The following CKAP5 variants were observed in gnomAD, a reference collection of about 807,000 sequenced individuals.
CKAP5 encodes the protein cytoskeleton-associated protein 5.
A neutral mutation model predicts 232.8 loss-of-function variants in CKAP5; 27 were observed. The ratio of observed to expected loss-of-function variants is 0.12; its 90% confidence interval spans 0.09 to 0.16. The LOEUF is 0.16. Among genes scored for constraint, CKAP5 ranks in the 10% least tolerant of loss-of-function variants. The pLI, the probability that CKAP5 is intolerant of heterozygous loss-of-function variation, is 1.00. For missense variants in CKAP5, 1,838 were observed against 2,424.7 expected (o/e 0.76, Z 5.08); for synonymous variants, 785 against 841.1 (o/e 0.93, Z 1.16).
rs184479633 is a variant in CKAP5 at position 46,835,208 on chromosome 11, A to T, written c.-38+11012T>A. Among the ~76,000 whole-genome samples the T allele has an allele frequency of 2.9e-4, 44 of 152,236 alleles. No individual in the cohort carries two copies. The South Asian group carries it at 5.6e-3, about 19-fold the overall frequency. ...AATAAAATAAAATATCAACTAAAAA[A>T]ATAAAAATAAAGTATAAATGAATAA... On this transcript the variant is annotated intron_variant, in intron 1 of 43. Transcript: ENST00000529230.
At chr11:46,844,164 G>A (rs1161198144) in intron 1 of CKAP5, among the ~76,000 whole-genome samples, 1 of 151,590 alleles carries the variant, frequency 6.6e-6, no homozygotes, top group Non-Finnish European at 1.5e-5. Flanking sequence ...AGAGGTTGCA[G>A]TCAGCTGAGA....
At chr11:46,835,011 G>A (rs1052820187) in intron 1 of CKAP5, among the ~76,000 whole-genome samples, 2 of 150,294 alleles carry the variant, frequency 1.3e-5, no homozygotes, top group Non-Finnish European at 3.0e-5. Context: ...TGTCTATGTT[G>A]CTCAGGCTGG....
chr11:46,756,940 T>C (rs1243033660), intron 35 of CKAP5, among the ~76,000 whole-genome samples: 2 of 150,714 alleles, frequency 1.3e-5, no homozygotes, highest in Admixed American at 6.6e-5. Flanking sequence ...TTTTTTTGTA[T>C]TTTTAATAGA....
chr11:46,762,821 C>G, intron 30 of CKAP5, 59 bp from the exon 31 acceptor site: 2 of 1,545,374 alleles, frequency 1.3e-6, no homozygotes, highest in South Asian at 2.3e-5. Flanking sequence ...AATGATTCTC[C>G]CATGCATTAC....
In CKAP5 at chr11:46,789,070, T is replaced by TA. The variant is rs145854082; in HGVS notation, c.1876-298dup. Among the ~76,000 whole-genome samples, 324 of 152,386 alleles carry TA rather than the reference T, an allele frequency of 2.1e-3. 1 individual carries two copies. The highest frequency in any genetic ancestry group is 7.3e-3 in the African/African-American group (302 of 41,598). Reference sequence around the variant, plus strand: ...AAATAGTTTGCTCCATGCAAAATAATAGTTTTCATTTGCCTAGTGTGTGGC... The same window carrying TA: ...AAATAGTTTGCTCCATGCAAAATAATAAGTTTTCATTTGCCTAGTGTGTGGC... On this transcript the variant is annotated intron_variant, in intron 15 of 43. Transcript: ENST00000529230.
At chr11:46,747,245 C>T (rs1377953889) in intron 42 of CKAP5, among the ~76,000 whole-genome samples, 1 of 152,134 alleles carries the variant, frequency 6.6e-6, no homozygotes, top group Non-Finnish European at 1.5e-5. Context: ...ATAAATACTA[C>T]ATTATATAGT....
In CKAP5 at chr11:46,808,169, T is replaced by C. The variant is rs531234834; in HGVS notation, c.865-25A>G. The C allele has an allele frequency of 7.2e-6, 10 of 1,396,702 alleles. No individual in the cohort carries two copies. The African/African-American group carries it at 1.3e-4, about 18-fold the overall frequency. The allele number at this position is 1,396,702 out of a possible 1,614,324, so 86.5% of individuals were successfully genotyped here. ...CCTGCAAGATACAATATGAGTCATT[T>C]GTAACAGGAAATAAGAGAGCGGAAT... is the stretch of plus-strand genomic sequence containing the variant. On this transcript the variant is annotated intron_variant, in intron 7 of 43. Transcript: ENST00000529230.
chr11:46,811,214 G>T, intron 4 of CKAP5, 36 bp from the exon 5 acceptor site: 1 of 1,525,824 alleles, frequency 6.6e-7, no homozygotes, highest in Non-Finnish European at 9.0e-7. Context: ...CTGTCAACGT[G>T]CAATGCAATT....
chr11:46,743,428 G>A lies in CKAP5; in HGVS notation c.*595C>T, dbSNP rs2064999411. ...AGTCTGTGAGCCAAGAAAAAGGGAA[G>A]CTCTGTAAGCAGTAATTAACCTTTC... On this transcript the variant is annotated 3_prime_UTR_variant, in exon 44 of 44. Transcript: ENST00000529230. The A allele has an allele frequency of 6.5e-6, 1 of 153,350 alleles. No individual in the cohort carries two copies. Among genetic ancestry groups the A allele is most frequent in the Non-Finnish European group, 1.5e-5 (1 of 68,700 alleles). 9.5% of individuals were successfully genotyped at this position (153,350 alleles called of 1,614,324 possible).
intron 1 of CKAP5, among the ~76,000 whole-genome samples, chr11:46,822,818 A>G (rs1939570666): frequency 6.6e-6 from 1 of 152,088 alleles, no homozygotes; most frequent in African/African-American, 2.4e-5. Context: ...CAAGCTCCCT[A>G]ATTCTAGCAA....
intron 9 of CKAP5, among the ~76,000 whole-genome samples, chr11:46,799,405 T>C (rs1348578631): frequency 1.3e-5 from 2 of 152,146 alleles, no homozygotes; most frequent in African/African-American, 4.8e-5. Flanking sequence ...CATGGAAAAA[T>C]ACAAGACTTT....
At chr11:46,845,988 C>T (rs1940180470) in intron 1 of CKAP5, among the ~76,000 whole-genome samples, 1 of 151,708 alleles carries the variant, frequency 6.6e-6, no homozygotes, top group African/African-American at 2.4e-5. Context: ...CTCTGGCCAC[C>T]TGGAGCCCAA....
At position 46,790,082 on chromosome 11, in the gene CKAP5, G is replaced by T; in HGVS notation, c.1869C>A (p.Phe623Leu). 1 of 1,602,562 alleles carries T rather than the reference G, an allele frequency of 6.2e-7. No individual in the cohort carries two copies. The highest frequency in any genetic ancestry group is 8.5e-7 in the Non-Finnish European group (1 of 1,171,270). ...ATTCTTCCCTATGCACTACCTTCTGGAACTCTTCCATACAAGCCAGCCTTT... is the reference window on the plus strand; with the variant it reads ...ATTCTTCCCTATGCACTACCTTCTGTAACTCTTCCATACAAGCCAGCCTTT... ...WKERLACMEE[F>L]QKAVELMDRT... The change falls in exon 15 of 44, where the codon TTC (phenylalanine) becomes TTA (leucine). Residue 623 changes from phenylalanine to leucine, a missense_variant. By Grantham distance (22) the Phe-to-Leu change is conservative. Around this residue, in one of 6 missense-constraint regions of CKAP5, gnomAD observed 767 missense variants for 954.6 expected, o/e 0.80. Transcript: ENST00000529230.
At position 46,743,922 on chromosome 11, in the gene CKAP5, A is replaced by C; in HGVS notation, c.*101T>G. ...CCTAGCTCCACGGCATGATACATACAACCAGTTTGTATACACTAGGCCTGC... is the reference window on the plus strand; with the variant it reads ...CCTAGCTCCACGGCATGATACATACCACCAGTTTGTATACACTAGGCCTGC... On this transcript the variant is annotated 3_prime_UTR_variant, in exon 44 of 44. Transcript: ENST00000529230. The C allele has an allele frequency of 2.8e-6, 4 of 1,449,288 alleles. No homozygotes were observed. Among genetic ancestry groups the C allele is most frequent in the Non-Finnish European group, 3.8e-6 (4 of 1,047,418 alleles). 89.8% of individuals were successfully genotyped at this position (1,449,288 alleles called of 1,614,324 possible).
At chr11:46,809,975 C>CTTT in intron 5 of CKAP5, 101 bp from the exon 6 acceptor site, 1 of 1,013,428 alleles carries the variant, frequency 9.9e-7, no homozygotes, top group Non-Finnish European at 1.4e-6. Flanking sequence ...CAATTTCTTT[C>CTTT]TTTTTTTTTT....
chr11:46,746,743 A>G (rs1344903543), intron 42 of CKAP5, among the ~76,000 whole-genome samples: 1 of 152,248 alleles, frequency 6.6e-6, no homozygotes, highest in Non-Finnish European at 1.5e-5. Context: ...TCAACTTTAT[A>G]AACACTGTAC....
At position 46,809,854 on chromosome 11, in the gene CKAP5, T is replaced by G. The variant is rs754927034; in HGVS notation, c.651A>C (p.Glu217Asp). The G allele has an allele frequency of 6.2e-7, 1 of 1,609,784 alleles. No individual in the cohort carries two copies. Among genetic ancestry groups the G allele is most frequent in the South Asian group, 1.1e-5 (1 of 89,166 alleles). The change falls in exon 6 of 44, where the codon GAA becomes GAC. Residue 217 changes from glutamate (E) to aspartate (D), a missense_variant. Glu to Asp is a conservative substitution (Grantham distance 45, BLOSUM62 2). Transcript: ENST00000529230. ...GAGCACTTGTTGGCAGTTTGACCCA[T>G]TCTTCTTCTAGTTCTTTCAACTGCA... ...NSVQLKELEE[E>D]WVKLPTSAPR...
intron 1 of CKAP5, among the ~76,000 whole-genome samples, chr11:46,831,846 T>C (rs916058279): frequency 6.9e-6 from 1 of 145,738 alleles, no homozygotes; most frequent in Non-Finnish European, 1.5e-5. Context: ...GTCTTAAATA[T>C]ACAATAAACT....
rs145217633 is a variant in CKAP5, at chr11:46,760,163, A to C, written c.4394+449T>G. Among the ~76,000 whole-genome samples, 71 of 152,328 alleles carry C rather than the reference A, an allele frequency of 4.7e-4. No individual in the cohort carries two copies. The East Asian group carries it at 0.013, about 29-fold the overall frequency. On this transcript the variant is annotated intron_variant, in intron 33 of 43. Transcript: ENST00000529230. ...ACAACCAAGTATAACACAAAGAAGA[A>C]AGTGAATCAGTATTTTAGCCACATG...
Sources: allele counts gnomAD v4.1 joint callset (sites outside exome capture counted in the v4.1 genomes callset), GRCh38; gene constraint gnomAD v4.1.1; regional missense constraint gnomAD v4.1.1; transcripts MANE v1.5; gene names NCBI Gene and HGNC (gene_info 2026-07-23, HGNC 2026-07-21).